The following PCNX3 variants were observed in gnomAD, a reference collection of about 807,000 sequenced individuals.
The protein encoded by PCNX3 is pecanex-like protein 3.
PCNX3 carries 58 observed loss-of-function variants against 207.2 expected under a neutral mutation model. The ratio of observed to expected loss-of-function variants is 0.28; its 90% CI spans 0.23 to 0.35. The LOEUF is 0.35. Among genes scored for constraint, PCNX3 ranks in the 10% least tolerant of loss-of-function variants. The probability of loss-of-function intolerance (pLI) is 1.00; values close to 1 mark genes in which losing one functional copy is unlikely to be tolerated. For missense variants in PCNX3, 2,410 were observed against 2,774.4 expected, an observed-to-expected ratio of 0.87 and a Z score of 2.95; for synonymous variants, 1,337 against 1,183.5, an observed-to-expected ratio of 1.13 and a Z score of -2.66.
At position 65,617,711 on chromosome 11, in the gene PCNX3, G is replaced by T. The variant is rs938442595; in HGVS notation, c.577+5G>T. 1 of 1,558,388 alleles carries T rather than the reference G, an allele frequency of 6.4e-7. No homozygotes were observed. Among genetic ancestry groups the T allele is most frequent in the Non-Finnish European group, 8.7e-7 (1 of 1,151,368 alleles). Reference sequence around the variant, plus strand: ...TCAGCTCGCAGGAGAAACTGAGTGCGTGGGCCTTATGGGGCCGAGGCTTGT... The same window carrying T: ...TCAGCTCGCAGGAGAAACTGAGTGCTTGGGCCTTATGGGGCCGAGGCTTGT... On this transcript the variant is annotated splice_donor_5th_base_variant and intron_variant, in intron 5 of 34. Coordinates refer to ENST00000355703, the MANE Select transcript of PCNX3 (RefSeq NM_032223.4).
intron 6 of PCNX3, chr11:65,619,283 C>T (rs1188652319): frequency 2.6e-6 from 1 of 385,028 alleles, no homozygotes; most frequent in Non-Finnish European, 3.6e-6. Context: ...GCACCTGAGT[C>T]TCTGTCCCCT....
intron 10 of PCNX3, 91 bp from the exon 11 acceptor site, chr11:65,622,151 CAGT>C (rs1455990336): frequency 1.1e-5 from 17 of 1,497,988 alleles, no homozygotes; most frequent in Non-Finnish European, 2.7e-6. Flanking sequence ...AGGGGGGTAA[CAGT>C]AGACCATGTG....
intron 1 of PCNX3, 38 bp downstream of exon 1, chr11:65,616,502 A>G: frequency 6.3e-7 from 1 of 1,575,096 alleles, no homozygotes; most frequent in African/African-American, 1.3e-5. Context: ...CAGCCGGGAG[A>G]GGGAGGGCAG....
At chr11:65,620,281 C>T in intron 8 of PCNX3, 58 bp from the exon 9 acceptor site, 8 of 1,520,626 alleles carry the variant, frequency 5.3e-6, no homozygotes, top group Non-Finnish European at 7.2e-6. Flanking sequence ...CCCACGTGAG[C>T]CGGGCCTTGG....
chr11:65,617,072 G>C, intron 2 of PCNX3, 61 bp downstream of exon 2: 1 of 1,507,118 alleles, frequency 6.6e-7, no homozygotes, highest in Non-Finnish European at 9.0e-7. Context: ...CCGGAACCTT[G>C]CAGGGTGGAG....
intron 12 of PCNX3, 106 bp downstream of exon 12, chr11:65,623,750 T>C: frequency 6.5e-7 from 1 of 1,540,120 alleles, no homozygotes; most frequent in Non-Finnish European, 8.8e-7. Flanking sequence ...AGATAATTTG[T>C]CTAAGGTTCC....
At chr11:65,620,224 C>G (rs1444139361) in intron 8 of PCNX3, 115 bp from the exon 9 acceptor site, 6 of 1,157,694 alleles carry the variant, frequency 5.2e-6, no homozygotes, top group Non-Finnish European at 7.2e-6. Context: ...GGGCTGCCCT[C>G]TCAGAGGACA....
At chr11:65,627,333 C>T (rs773389698) in intron 21 of PCNX3, 72 bp from the exon 22 acceptor site, 3 of 1,492,398 alleles carry the variant, frequency 2.0e-6, no homozygotes, top group African/African-American at 1.4e-5. Flanking sequence ...CCAGAGTAGG[C>T]GAGGGATGGG....
In PCNX3 at chr11:65,634,587, T is replaced by C; in HGVS notation, c.4751T>C (p.Leu1584Pro). The change falls in exon 29 of 35, where the codon CTG becomes CCG. Residue 1584 changes from leucine to proline, a missense_variant. Leu to Pro is a moderately conservative substitution (Grantham distance 98). Transcript: ENST00000355703. ...NSPLVTLCFGLCVLGRRALGT... is the reference protein window; with the variant it reads ...NSPLVTLCFGPCVLGRRALGT... The stretch of plus-strand genomic sequence containing the variant: ...CCGCTGGTCACGCTGTGTTTTGGCC[T>C]GTGTGTGCTGGGCCGCCGGGCCCTG... 2.5e-6 allele frequency: 4 copies of C among 1,605,282 alleles called. No homozygotes were observed. The highest frequency in any genetic ancestry group is 3.4e-6 in the Non-Finnish European group (4 of 1,178,810).
rs1367302740 is a variant in PCNX3 at position 65,619,669 on chromosome 11, C to T, written c.1829+9C>T. On this transcript the variant is annotated intron_variant, in intron 7 of 34. Transcript: ENST00000355703. ...ATGGGCTCGCCGCCCAGGTGAGCAC[C>T]TTGCCAGCTGTGCCGAGGGGCACCG... 2.5e-6 allele frequency: 4 copies of T among 1,592,650 alleles called. No individual in the cohort carries two copies. Among genetic ancestry groups the T allele is most frequent in the Non-Finnish European group, 3.4e-6 (4 of 1,175,800 alleles).
At chr11:65,632,156 C>T (rs1389013953) in intron 27 of PCNX3, among the ~76,000 whole-genome samples, 2 of 152,112 alleles carry the variant, frequency 1.3e-5, no homozygotes, top group Non-Finnish European at 2.9e-5. Context: ...GTCTCTTGTC[C>T]CATGGGGAAG....
intron 27 of PCNX3, among the ~76,000 whole-genome samples, chr11:65,633,000 C>T (rs1855677045): frequency 6.6e-6 from 1 of 152,152 alleles, no homozygotes; most frequent in South Asian, 2.1e-4. Context: ...CCACCTCCAC[C>T]TCCCGAAGTT....
chr11:65,629,255 G>A (rs957680068), intron 24 of PCNX3, 102 bp from the exon 25 acceptor site: 5 of 1,271,824 alleles, frequency 3.9e-6, no homozygotes, highest in East Asian at 5.0e-5. Context: ...TAACGGGGCT[G>A]TCCTGGATGG....
rs1466052316 is a variant in PCNX3 at position 65,620,994 on chromosome 11, C to T, written c.2235+28C>T. 4.0e-6 allele frequency: 6 copies of T among 1,510,764 alleles called. No individual in the cohort carries two copies. The South Asian group carries it at 6.3e-5, about 16-fold the overall frequency. 93.6% of individuals were successfully genotyped at this position (1,510,764 alleles called of 1,614,324 possible). On this transcript the variant is annotated intron_variant, in intron 10 of 34. Transcript: ENST00000355703. ...GAGGAGCAGCCGGGGAAGGGCCGTGCCAGTGGGGCGTGACGGGGCGGGCAG... is the reference window on the plus strand; with the variant it reads ...GAGGAGCAGCCGGGGAAGGGCCGTGTCAGTGGGGCGTGACGGGGCGGGCAG...
In PCNX3 at chr11:65,628,864, C is replaced by T; in HGVS notation, c.3857C>T (p.Ser1286Phe). 3 of 1,612,684 alleles carry T rather than the reference C, an allele frequency of 1.9e-6. No individual in the cohort carries two copies. In the South Asian group the frequency reaches 3.3e-5, roughly 18 times the overall value. ...FVQALLSGLFSTPLNPLLGSA... is the reference protein window; with the variant it reads ...FVQALLSGLFFTPLNPLLGSA... ...CAGGCCCTGCTCTCGGGGCTCTTCT[C>T]CACGCCTCTCAACCCACTGCTAGGC... is the stretch of plus-strand genomic sequence containing the variant. The change falls in exon 24 of 35, where the codon TCC becomes TTC. Residue 1286 changes from serine to phenylalanine, a missense_variant. By Grantham distance (155) the Ser-to-Phe change is radical. Around this residue, in one of 8 missense-constraint regions of PCNX3, gnomAD observed 420 missense variants for 705.3 expected, o/e 0.60. Transcript: ENST00000355703.
chr11:65,636,454 C>A lies in PCNX3; in HGVS notation c.5657C>A (p.Ser1886Tyr). Residue 1886 changes from serine (S) to tyrosine (Y), a missense_variant, in exon 34 of 35, where the codon TCT becomes TAT. Transcript: ENST00000355703. Reference protein sequence around the residue: ...GWGPRSSLSGSGDGRPPPLLQ... With the variant: ...GWGPRSSLSGYGDGRPPPLLQ... Reference sequence around the variant, plus strand: ...GGGCCGCGGTCCTCCCTGAGTGGCTCTGGTGATGGGCGGCCCCCACCTCTG... The same window carrying A: ...GGGCCGCGGTCCTCCCTGAGTGGCTATGGTGATGGGCGGCCCCCACCTCTG... The A allele has an allele frequency of 6.4e-7, 1 of 1,558,622 alleles. No individual in the cohort carries two copies. The highest frequency in any genetic ancestry group is 8.7e-7 in the Non-Finnish European group (1 of 1,154,278).
chr11:65,617,184 G>A, intron 2 of PCNX3, 66 bp from the exon 3 acceptor site: 2 of 1,471,438 alleles, frequency 1.4e-6, no homozygotes, highest in Non-Finnish European at 1.9e-6. Flanking sequence ...CAGTGACAAA[G>A]ATGGGAGGAA....
At chr11:65,629,455 TC>T (rs1855532463) in intron 25 of PCNX3, 40 bp downstream of exon 25, 2 of 1,611,308 alleles carry the variant, frequency 1.2e-6, no homozygotes, top group Non-Finnish European at 1.7e-6. Flanking sequence ...GGGCAGGGCC[TC>T]CCTGGGGAGG....
intron 8 of PCNX3, 139 bp downstream of exon 8, chr11:65,620,071 T>G: frequency 1.0e-6 from 1 of 986,154 alleles, no homozygotes; most frequent in Middle Eastern, 2.8e-4. Flanking sequence ...GCAGCCTCTT[T>G]GAGGCACGGT....
Sources: allele counts gnomAD v4.1 joint callset (sites outside exome capture counted in the v4.1 genomes callset), GRCh38; gene constraint gnomAD v4.1.1; regional missense constraint gnomAD v4.1.1; transcripts MANE v1.5; gene names NCBI Gene and HGNC (gene_info 2026-07-23, HGNC 2026-07-21).